Variants in MAP3K3 observed in about 807,000 individuals in gnomAD.
MAP3K3 encodes the protein MAP/ERK kinase kinase 3.
MAP3K3 carries 12 observed loss-of-function variants against 80.9 expected under a neutral mutation model. That is an observed-to-expected ratio of 0.15 (90% confidence interval 0.10 to 0.24). The LOEUF (loss-of-function observed/expected upper bound fraction) is 0.24, where lower values mean the gene tolerates loss of function less well. Among genes scored for constraint, MAP3K3 ranks in the 10% least tolerant of loss-of-function variants. MAP3K3 has a pLI of 1.00. For synonymous variants in MAP3K3, 272 were observed against 307.1 expected (o/e 0.89, Z 1.19); for missense variants, 596 against 834.7 (o/e 0.71, Z 3.52).
At chr17:63,647,180 A>G (rs1338414817) in intron 3 of MAP3K3, among the ~76,000 whole-genome samples, 1 of 152,184 alleles carries the variant, frequency 6.6e-6, no homozygotes, top group Non-Finnish European at 1.5e-5. Context: ...GTCAGAGGCA[A>G]CCCGGTGGAA....
chr17:63,685,932 A>G (rs2035439537), intron 8 of MAP3K3, among the ~76,000 whole-genome samples: 1 of 152,094 alleles, frequency 6.6e-6, no homozygotes, highest in Admixed American at 6.5e-5. Context: ...TTTTAGGGGG[A>G]GAACTGAATT....
rs2034801571 is a variant in MAP3K3, at chr17:63,657,779, T to C, written c.268-15T>C. The C allele has an allele frequency of 2.6e-6, 3 of 1,173,018 alleles. No individual in the cohort carries two copies. Among genetic ancestry groups the C allele is most frequent in the East Asian group, 2.4e-5 (1 of 42,388 alleles). The allele number at this position is 1,173,018 out of a possible 1,614,324, so 72.7% of individuals were successfully genotyped here. A position where few individuals can be genotyped will look rare whatever the true frequency, so the allele number is the denominator to read the frequency against. ...TGTTTTATATTATTTTCCTTTTCTA[T>C]GTCTTGTATCACAGCTCTCCATCCT... On this transcript the variant is annotated splice_polypyrimidine_tract_variant and intron_variant, in intron 4 of 15. Transcript: ENST00000361733.
intron 4 of MAP3K3, among the ~76,000 whole-genome samples, chr17:63,655,355 T>TA (rs1228666173): frequency 7.2e-5 from 11 of 152,310 alleles, no homozygotes; most frequent in Admixed American, 7.2e-4. Flanking sequence ...TACAAATCAA[T>TA]ATGGGATTTG....
At position 63,693,710 on chromosome 17, in the gene MAP3K3, T is replaced by C; in HGVS notation, c.1814T>C (p.Val605Ala). Residue 605 changes from valine to alanine, a missense_variant, in exon 16 of 16, where the codon GTG (valine) becomes GCG (alanine). Coordinates refer to ENST00000361733, the MANE Select transcript of MAP3K3 (RefSeq NM_002401.5). The surrounding 1 kb of genome is among the most constrained non-coding windows in gnomAD (Gnocchi z 4.2). Reference protein sequence around the residue: ...HGRDFLRRIFVEARQRPSAEE... With the variant: ...HGRDFLRRIFAEARQRPSAEE... ...CGGGACTTCCTGAGGCGCATTTTTG[T>C]GGAGGCTCGCCAGAGACCTTCAGCT... 1 of 1,605,082 alleles carries C rather than the reference T, an allele frequency of 6.2e-7. No individual in the cohort carries two copies. The highest frequency in any genetic ancestry group is 1.1e-5 in the South Asian group (1 of 90,314).
chr17:63,663,379 G>A (rs1365709532), intron 5 of MAP3K3, among the ~76,000 whole-genome samples: 4 of 152,042 alleles, frequency 2.6e-5, no homozygotes, highest in South Asian at 2.1e-4. Flanking sequence ...GCGCATGCCC[G>A]CAATCCCAGA....
chr17:63,675,339 C>T (rs2035195900), intron 6 of MAP3K3, among the ~76,000 whole-genome samples: 1 of 152,136 alleles, frequency 6.6e-6, no homozygotes, highest in South Asian at 2.1e-4. Context: ...TAGTTAGTGG[C>T]CAAAAAAGCT....
At chr17:63,683,175 A>G (rs1453139666) in intron 7 of MAP3K3, among the ~76,000 whole-genome samples, 1 of 152,242 alleles carries the variant, frequency 6.6e-6, no homozygotes, top group East Asian at 1.9e-4. Flanking sequence ...GGGAGATCTT[A>G]TAAAAAGCTG....
intron 12 of MAP3K3, chr17:63,690,852 T>TA: frequency 1.9e-6 from 1 of 537,708 alleles, no homozygotes; most frequent in Non-Finnish European, 3.4e-6. Flanking sequence ...AAACAGCAGT[T>TA]ACCTTAACTA....
chr17:63,647,160 C>G (rs1276075159), intron 3 of MAP3K3, among the ~76,000 whole-genome samples: 1 of 152,170 alleles, frequency 6.6e-6, no homozygotes, highest in Non-Finnish European at 1.5e-5. Flanking sequence ...ATTCACAAGC[C>G]TACAAGGTTG....
intron 8 of MAP3K3, among the ~76,000 whole-genome samples, chr17:63,685,923 T>C (rs1173078128): frequency 6.6e-6 from 1 of 152,212 alleles, no homozygotes; most frequent in Non-Finnish European, 1.5e-5. Flanking sequence ...CTGTCAGTGT[T>C]TTAGGGGGAG....
At chr17:63,665,671 C>T (rs2071881901) in intron 5 of MAP3K3, among the ~76,000 whole-genome samples, 1 of 152,182 alleles carries the variant, frequency 6.6e-6, no homozygotes, top group Admixed American at 6.5e-5. Context: ...CAGTATGTGG[C>T]TTTGACTGTT....
chr17:63,671,072 A>G (rs1268869288), intron 6 of MAP3K3, among the ~76,000 whole-genome samples: 3 of 152,178 alleles, frequency 2.0e-5, no homozygotes, highest in East Asian at 3.9e-4. Context: ...AGGCTAATGC[A>G]GTGGTCCAGG....
At chr17:63,653,141 A>G (rs932650565) in intron 4 of MAP3K3, among the ~76,000 whole-genome samples, 3 of 152,186 alleles carry the variant, frequency 2.0e-5, no homozygotes, top group Admixed American at 1.3e-4. Context: ...ACCTGCTCCA[A>G]TAAGTTCTTT....
rs2034007636 is a variant in MAP3K3 at position 63,622,582 on chromosome 17, G to A, written c.-178G>A. 1.9e-5 allele frequency: 3 copies of A among 155,834 alleles called. No homozygotes were observed. Among genetic ancestry groups the A allele is most frequent in the African/African-American group, 7.3e-5 (3 of 41,080 alleles). The allele number at this position is 155,834 out of a possible 1,614,324, so 9.7% of individuals were successfully genotyped here. On this transcript the variant is annotated 5_prime_UTR_variant, in exon 1 of 16. Transcript: ENST00000361733. ...CCACCCTGCCGATGCCACAGCGCCC[G>A]GCCGCGGGCGGAGCCGGAGCCGGAG... is the stretch of plus-strand genomic sequence containing the variant.
chr17:63,661,111 A>G (rs1383045930), intron 5 of MAP3K3, among the ~76,000 whole-genome samples: 4 of 151,896 alleles, frequency 2.6e-5, no homozygotes, highest in Non-Finnish European at 5.9e-5. Flanking sequence ...CCCAGGTACG[A>G]TCTCAGCTCA....
chr17:63,632,079 ATT>A (rs1271549569), intron 1 of MAP3K3, among the ~76,000 whole-genome samples: 1 of 151,722 alleles, frequency 6.6e-6, no homozygotes, highest in East Asian at 1.9e-4. Context: ...TTTTTCATCT[ATT>A]TTTCCTGGTT....
At chr17:63,678,717 CTT>C (rs1264552929) in intron 6 of MAP3K3, among the ~76,000 whole-genome samples, 1 of 152,228 alleles carries the variant, frequency 6.6e-6, no homozygotes. Flanking sequence ...GAACAACTGA[CTT>C]AATATAGAAG....
chr17:63,629,998 C>G (rs75790489), intron 1 of MAP3K3, among the ~76,000 whole-genome samples: 1,858 of 152,268 alleles, frequency 0.012, 36 homozygotes, highest in African/African-American at 0.043. Flanking sequence ...TATGTGTATT[C>G]ACATCCATCT....
chr17:63,691,350 GC>G lies in MAP3K3; in HGVS notation c.1344+120del. 7.1e-7 allele frequency: 1 copy of G among 1,405,978 alleles called. No individual in the cohort carries two copies. The highest frequency in any genetic ancestry group is 9.8e-7 in the Non-Finnish European group (1 of 1,018,212). 87.1% of individuals were successfully genotyped at this position (1,405,978 alleles called of 1,614,324 possible). ...AGTTTGAACACCTGAGGCTCCAGAG[GC>G]CCAGAGGAGCAAAGTGAGGTGATGG... On this transcript the variant is annotated intron_variant, in intron 13 of 15. Transcript: ENST00000361733. This position sits in a 1 kb window ranked among gnomAD's most constrained non-coding sequence, Gnocchi z 4.8.
Sources: gnomAD v4.1 joint callset for allele counts (sites outside exome capture counted in the v4.1 genomes callset) on GRCh38, gnomAD v4.1.1 for gene constraint, Gnocchi (gnomAD v3.1) non-coding constraint, MANE v1.5 for transcripts, NCBI Gene and HGNC (gene_info 2026-07-23, HGNC 2026-07-21) for gene names.